CDC42SE2: variants seen among roughly 807,000 people sequenced by gnomAD.
CDC42SE2 encodes the protein CDC42 small effector 2.
Under a neutral mutation model 11.5 loss-of-function variants are expected in CDC42SE2, and 3 were observed. The observed-to-expected ratio is 0.26, with a 90% confidence interval of 0.12 to 0.67. CDC42SE2 has a LOEUF of 0.67. Among genes scored for constraint, CDC42SE2 ranks in the 30% least tolerant of loss-of-function variants. The pLI is 0.80. For missense variants in CDC42SE2, 82 were observed against 106.8 expected (o/e 0.77, Z 1.02); for synonymous variants, 33 against 34.8 (o/e 0.95, Z 0.18).
At chr5:131,270,507 C>G (rs1365467894) in intron 1 of CDC42SE2, among the ~76,000 whole-genome samples, 1 of 152,162 alleles carries the variant, frequency 6.6e-6, no homozygotes, top group East Asian at 1.9e-4. Context: ...GTATGTTTTA[C>G]ACCGTATATA....
At chr5:131,385,421 G>C (rs1346857941) in intron 3 of CDC42SE2, 122 bp from the exon 4 acceptor site, 2 of 606,834 alleles carry the variant, frequency 3.3e-6, no homozygotes, top group East Asian at 5.6e-5. Context: ...AATTGTGGCA[G>C]TCTAAGAGCT....
intron 2 of CDC42SE2, among the ~76,000 whole-genome samples, chr5:131,351,501 G>A (rs1446568276): frequency 1.3e-5 from 2 of 152,036 alleles, no homozygotes; most frequent in African/African-American, 2.4e-5. Context: ...TGATCCGCCC[G>A]CCTTGGCCTC....
intron 2 of CDC42SE2, among the ~76,000 whole-genome samples, chr5:131,336,792 T>G (rs1758575209): frequency 6.6e-6 from 1 of 152,244 alleles, no homozygotes; most frequent in Admixed American, 6.5e-5. Context: ...ATTCGTCACA[T>G]AGTCCTTGTG....
At chr5:131,218,301 G>T in the CDC42SE2 span, among the ~76,000 whole-genome samples, 3 of 151,960 alleles carry the variant, frequency 2.0e-5, no homozygotes, top group Non-Finnish European at 4.4e-5. Context: ...GGTGTTCAAT[G>T]ATATTAATCA....
At position 131,393,782 on chromosome 5, in the gene CDC42SE2, C is replaced by CCTGA. The variant is rs1282491034; in HGVS notation, c.*2694_*2697dup. 6.6e-6 allele frequency: 1 copy of CCTGA among 151,596 alleles called. No individual in the cohort carries two copies. The highest frequency in any genetic ancestry group is 1.5e-5 in the Non-Finnish European group (1 of 67,930). The allele number at this position is 151,596 out of a possible 1,614,324, so 9.4% of individuals were successfully genotyped here. ...AGTACGGGAAGCCGTGATCCTTTTC[C>CCTGA]CTGACTCATGATTTTAGTCTTTTTC... On this transcript the variant is annotated 3_prime_UTR_variant, in exon 5 of 5. Coordinates refer to ENST00000505065, the MANE Select transcript of CDC42SE2 (RefSeq NM_001375635.1).
At chr5:131,342,099 G>A (rs892509006) in intron 2 of CDC42SE2, among the ~76,000 whole-genome samples, 7 of 151,772 alleles carry the variant, frequency 4.6e-5, no homozygotes, top group South Asian at 2.1e-4. Context: ...GGCCAACATG[G>A]TGATACCCCA....
chr5:131,228,117 G>T, the CDC42SE2 span, among the ~76,000 whole-genome samples: 3 of 152,188 alleles, frequency 2.0e-5, no homozygotes, highest in Admixed American at 1.3e-4. Context: ...TGAGACATGA[G>T]AATCGCTTGA....
At chr5:131,230,467 G>T in the CDC42SE2 span, among the ~76,000 whole-genome samples, 1 of 152,330 alleles carries the variant, frequency 6.6e-6, no homozygotes, top group African/African-American at 2.4e-5. Flanking sequence ...GTGAAAAATG[G>T]TGTCACTCCA....
At chr5:131,267,521 G>A (rs1756895339) in intron 1 of CDC42SE2, among the ~76,000 whole-genome samples, 2 of 152,168 alleles carry the variant, frequency 1.3e-5, no homozygotes, top group African/African-American at 4.8e-5. Flanking sequence ...GGGTATGTGT[G>A]TCTGTTGGGG....
At chr5:131,246,636 C>T (rs1039965929) in intron 1 of CDC42SE2, among the ~76,000 whole-genome samples, 1 of 151,868 alleles carries the variant, frequency 6.6e-6, no homozygotes, top group East Asian at 1.9e-4. Flanking sequence ...TCTTGATTTA[C>T]GTCTTTAAAT....
the CDC42SE2 span, among the ~76,000 whole-genome samples, chr5:131,212,785 T>C: frequency 1.3e-5 from 2 of 152,082 alleles, no homozygotes; most frequent in Admixed American, 6.6e-5. Context: ...AGTGGGGTCA[T>C]GTTAAAAGGA....
chr5:131,354,674 A>G (rs1401708068), intron 2 of CDC42SE2: 1 of 152,086 alleles, frequency 6.6e-6, no homozygotes, highest in African/African-American at 2.4e-5. Flanking sequence ...TGTTTCTTCA[A>G]AGTTTGCAGC....
chr5:131,330,226 G>C (rs1758392626), intron 2 of CDC42SE2, among the ~76,000 whole-genome samples: 1 of 152,164 alleles, frequency 6.6e-6, no homozygotes, highest in Non-Finnish European at 1.5e-5. Context: ...TTTTAGGGTA[G>C]TTGGAATCTG....
intron 1 of CDC42SE2, among the ~76,000 whole-genome samples, chr5:131,271,478 A>C (rs1756994161): frequency 6.6e-6 from 1 of 152,192 alleles, no homozygotes; most frequent in African/African-American, 2.4e-5. Context: ...CATAGTCTAG[A>C]GATGATTTAA....
chr5:131,367,002 G>T (rs1200640186), intron 3 of CDC42SE2, among the ~76,000 whole-genome samples: 2 of 151,776 alleles, frequency 1.3e-5, no homozygotes, highest in Admixed American at 1.3e-4. Context: ...ACTCCAGCCT[G>T]GGCAACAGAG....
intron 1 of CDC42SE2, among the ~76,000 whole-genome samples, chr5:131,307,877 G>A (rs1385185409): frequency 6.6e-6 from 1 of 152,144 alleles, no homozygotes; most frequent in African/African-American, 2.4e-5. Context: ...TTTGAAAAGT[G>A]TCTGCTCATA....
intron 4 of CDC42SE2, among the ~76,000 whole-genome samples, chr5:131,387,216 TCAA>T (rs1296807630): frequency 6.6e-6 from 1 of 152,148 alleles, no homozygotes. Context: ...TTCTCTCTCA[TCAA>T]CAGATGTTGT....
At chr5:131,334,292 C>G (rs570652521) in intron 2 of CDC42SE2, among the ~76,000 whole-genome samples, 1 of 152,134 alleles carries the variant, frequency 6.6e-6, no homozygotes, top group Non-Finnish European at 1.5e-5. Flanking sequence ...GTTGAACCAG[C>G]CTTGCATCCC....
intron 2 of CDC42SE2, among the ~76,000 whole-genome samples, chr5:131,349,003 A>G (rs1461722169): frequency 6.6e-6 from 1 of 152,208 alleles, no homozygotes; most frequent in Non-Finnish European, 1.5e-5. Flanking sequence ...GATGGATTAA[A>G]GACTTAAATG....
Sources: allele counts gnomAD v4.1 joint callset (sites outside exome capture counted in the v4.1 genomes callset), GRCh38; gene constraint gnomAD v4.1.1; transcripts MANE v1.5; gene names NCBI Gene and HGNC (gene_info 2026-07-23, HGNC 2026-07-21).